The following MCTP2 variants were observed in gnomAD, a reference collection of about 807,000 sequenced individuals.
MCTP2 encodes multiple C2 and transmembrane domain-containing protein 2.
In MCTP2, 132 loss-of-function variants were observed where a neutral mutation model predicts 111.6. The ratio of observed to expected loss-of-function variants is 1.18; its 90% CI spans 1.03 to 1.37. MCTP2 has a LOEUF of 1.37. Among genes scored for constraint, MCTP2 ranks in the 40% most tolerant of loss-of-function variants. The pLI is 0.00. For missense variants in MCTP2, 1,183 were observed against 1,067.9 expected (o/e 1.11, Z -1.50); for synonymous variants, 395 against 387.7 (o/e 1.02, Z -0.22).
rs769893887 is a variant in MCTP2 at position 94,356,335 on chromosome 15, T to C, written c.1170+34T>C. On this transcript the variant is annotated intron_variant, in intron 9 of 22. Coordinates refer to ENST00000357742, the MANE Select transcript of MCTP2 (RefSeq NM_001385001.1). Reference sequence around the variant, plus strand: ...CATCTTTTCCATAAGGAGAACAGTATCTTTAAAATAAAAAAAAATTAAAAA... The same window carrying C: ...CATCTTTTCCATAAGGAGAACAGTACCTTTAAAATAAAAAAAAATTAAAAA... 5 of 1,472,934 alleles carry C rather than the reference T, an allele frequency of 3.4e-6. No individual in the cohort carries two copies. The South Asian group carries it at 7.3e-5, about 22-fold the overall frequency. The allele number at this position is 1,472,934 out of a possible 1,614,324, so 91.2% of individuals were successfully genotyped here.
At chr15:94,334,215 T>G (rs1018984492) in intron 4 of MCTP2, among the ~76,000 whole-genome samples, 2 of 152,218 alleles carry the variant, frequency 1.3e-5, no homozygotes, top group African/African-American at 2.4e-5. Context: ...TCCCTTGAAG[T>G]TGATAGTTTT....
chr15:94,341,753 T>A (rs972686888), intron 7 of MCTP2: 1 of 152,202 alleles, frequency 6.6e-6, no homozygotes, highest in African/African-American at 2.4e-5. Context: ...ACTTTTCAGT[T>A]ACCTTTTCAA....
intron 12 of MCTP2, among the ~76,000 whole-genome samples, chr15:94,372,563 T>G (rs1341445146): frequency 2.6e-5 from 4 of 152,234 alleles, no homozygotes; most frequent in Non-Finnish European, 5.9e-5. Context: ...TTATCATTAT[T>G]GTTACCAATT....
chr15:94,301,201 G>T (rs4984344), intron 2 of MCTP2, among the ~76,000 whole-genome samples: 16,190 of 152,198 alleles, frequency 0.11, 1,163 homozygotes, highest in East Asian at 0.26. Context: ...TCAGGGTTGA[G>T]GTTCTCTCTA....
At chr15:94,312,362 G>A (rs1323244860) in intron 2 of MCTP2, among the ~76,000 whole-genome samples, 8 of 152,182 alleles carry the variant, frequency 5.3e-5, no homozygotes, top group Admixed American at 3.3e-4. Context: ...ACTCACCTGG[G>A]GGTCCTTTTA....
At chr15:94,474,115 G>C (rs564345085) in intron 21 of MCTP2, among the ~76,000 whole-genome samples, 29 of 151,126 alleles carry the variant, frequency 1.9e-4, no homozygotes, top group African/African-American at 6.8e-4. Flanking sequence ...CTTTTCTTTC[G>C]CTAAAAGTAA....
intron 20 of MCTP2, among the ~76,000 whole-genome samples, chr15:94,468,298 GTAT>G (rs913229942): frequency 5.3e-5 from 8 of 152,032 alleles, no homozygotes; most frequent in East Asian, 3.9e-4. Flanking sequence ...TGTGATATAG[GTAT>G]TATTATTATT....
At chr15:94,311,748 A>G (rs776216287) in intron 2 of MCTP2, among the ~76,000 whole-genome samples, 6 of 152,196 alleles carry the variant, frequency 3.9e-5, no homozygotes, top group Non-Finnish European at 7.3e-5. Flanking sequence ...CCTTGTTGTT[A>G]TAAGTGGAAG....
At chr15:94,280,496 T>C (rs1164819941) in intron 1 of MCTP2, among the ~76,000 whole-genome samples, 4 of 148,836 alleles carry the variant, frequency 2.7e-5, no homozygotes, top group African/African-American at 9.8e-5. Flanking sequence ...GGATCTTCTC[T>C]TTTTTTTTTC....
chr15:94,321,186 G>T (rs2076614368), intron 4 of MCTP2, among the ~76,000 whole-genome samples: 1 of 152,064 alleles, frequency 6.6e-6, no homozygotes, highest in South Asian at 2.1e-4. Flanking sequence ...AATGAAGAAG[G>T]GTTGGTTAAG....
chr15:94,421,267 C>G (rs1361790711), intron 17 of MCTP2, among the ~76,000 whole-genome samples: 1 of 152,030 alleles, frequency 6.6e-6, no homozygotes, highest in Admixed American at 6.6e-5. Context: ...TACTGGGAAA[C>G]CCAAAAAATT....
At chr15:94,382,270 T>A (rs1282243857) in intron 12 of MCTP2, among the ~76,000 whole-genome samples, 1 of 152,270 alleles carries the variant, frequency 6.6e-6, no homozygotes, top group Non-Finnish European at 1.5e-5. Flanking sequence ...TAGTGATATT[T>A]TTTAGCCCGA....
intron 19 of MCTP2, 65 bp from the exon 20 acceptor site, chr15:94,458,072 A>G: frequency 2.3e-6 from 2 of 868,350 alleles, no homozygotes; most frequent in South Asian, 1.4e-5. Flanking sequence ...ATGTTATAAT[A>G]TTTTCTGTAT....
intron 20 of MCTP2, among the ~76,000 whole-genome samples, chr15:94,460,936 A>G (rs1415549215): frequency 6.6e-6 from 1 of 152,146 alleles, no homozygotes; most frequent in African/African-American, 2.4e-5. Flanking sequence ...CTTAAGAACC[A>G]GGAAAACTTT....
intron 1 of MCTP2, among the ~76,000 whole-genome samples, chr15:94,242,161 A>T (rs1004035204): frequency 2.0e-5 from 3 of 152,050 alleles, no homozygotes; most frequent in Non-Finnish European, 4.4e-5. Flanking sequence ...GCTCCCTCAA[A>T]CCACCTTGTT....
intron 16 of MCTP2, among the ~76,000 whole-genome samples, chr15:94,400,668 C>T (rs771491029): frequency 7.9e-5 from 12 of 151,068 alleles, no homozygotes; most frequent in Non-Finnish European, 1.8e-4. Flanking sequence ...TTGTACTCTC[C>T]GCAGCTCAGG....
At chr15:94,328,371 A>G (rs372114997) in intron 4 of MCTP2, among the ~76,000 whole-genome samples, 277 of 151,486 alleles carry the variant, frequency 1.8e-3, no homozygotes, top group South Asian at 6.3e-3. Context: ...CTCGTGATCC[A>G]CCCGCCTTGG....
At chr15:94,352,699 G>A (rs551497740) in intron 8 of MCTP2, among the ~76,000 whole-genome samples, 12 of 152,210 alleles carry the variant, frequency 7.9e-5, no homozygotes, top group Admixed American at 2.0e-4. Context: ...GTATAGGTTC[G>A]GGCACAGGCA....
rs80212984 is a variant in MCTP2, at chr15:94,273,576, G to A, written c.-65-24625G>A. Reference sequence around the variant, plus strand: ...TCAATGCCCCCTCGCAGGTATGCAGGAAGGTCATGTCGTCCCTGCTCTCCA... The same window carrying A: ...TCAATGCCCCCTCGCAGGTATGCAGAAAGGTCATGTCGTCCCTGCTCTCCA... On this transcript the variant is annotated intron_variant, in intron 1 of 22. Transcript: ENST00000357742. The A allele has an allele frequency of 3.2e-3, 656 of 202,234 alleles. 5 individuals carry two copies. Among genetic ancestry groups the A allele is most frequent in the African/African-American group, 0.015 (629 of 43,228 alleles). The allele number at this position is 202,234 out of a possible 1,614,324, so 12.5% of individuals were successfully genotyped here.
Sources: allele counts gnomAD v4.1 joint callset (sites outside exome capture counted in the v4.1 genomes callset), GRCh38; gene constraint gnomAD v4.1.1; transcripts MANE v1.5; gene names NCBI Gene and HGNC (gene_info 2026-07-23, HGNC 2026-07-21).